Variants in RAB27B observed in about 807,000 individuals in gnomAD.
RAB27B encodes the protein ras-related protein Rab-27B.
RAB27B carries 15 observed loss-of-function variants against 24.6 expected under a neutral mutation model. The observed-to-expected ratio is 0.61, with a 90% CI of 0.41 to 0.94. The LOEUF (loss-of-function observed/expected upper bound fraction) is 0.94, where lower values mean the gene tolerates loss of function less well. RAB27B is among the 40% of genes least tolerant of loss of function. The pLI is 0.00. For synonymous variants in RAB27B, 105 were observed against 92.5 expected, an observed-to-expected ratio of 1.14 and a Z score of -0.78; for missense variants, 261 against 266.8, an observed-to-expected ratio of 0.98 and a Z score of 0.15.
At position 54,877,837 on chromosome 18, in the gene RAB27B, A is replaced by G; in HGVS notation, c.153+99A>G. 2.4e-6 allele frequency: 3 copies of G among 1,238,902 alleles called. No homozygotes were observed. In the South Asian group the frequency reaches 4.9e-5, roughly 20 times the overall value. 76.7% of individuals were successfully genotyped at this position (1,238,902 alleles called of 1,614,324 possible). ...ATTGCATTGGAGTCTGTCTTTTGTC[A>G]CACGAAATTCATAACCTGTCATTTT... On this transcript the variant is annotated intron_variant, in intron 2 of 5. Coordinates refer to ENST00000262094, the MANE Select transcript of RAB27B (RefSeq NM_004163.4).
chr18:54,756,242 C>T (rs115263600), intron 2 of RAB27B, among the ~76,000 whole-genome samples: 552 of 152,248 alleles, frequency 3.6e-3, no homozygotes, highest in African/African-American at 0.013. Flanking sequence ...TGTTCTGTAC[C>T]AGTGATATTT....
intron 2 of RAB27B, among the ~76,000 whole-genome samples, chr18:54,733,433 T>C (rs1307053349): frequency 2.6e-5 from 4 of 152,288 alleles, no homozygotes; most frequent in East Asian, 3.9e-4. Context: ...ACAGTTCTTA[T>C]TGAGTTTGCT....
At chr18:54,755,233 T>C (rs767648339) in intron 2 of RAB27B, among the ~76,000 whole-genome samples, 2 of 151,902 alleles carry the variant, frequency 1.3e-5, no homozygotes, top group Non-Finnish European at 2.9e-5. Flanking sequence ...CTACTAAAAA[T>C]ACAAAAATTA....
chr18:54,787,361 A>G (rs1909119824), intron 2 of RAB27B, among the ~76,000 whole-genome samples: 1 of 152,204 alleles, frequency 6.6e-6, no homozygotes, highest in Non-Finnish European at 1.5e-5. Flanking sequence ...AAAGTGAGCA[A>G]AGAATCATTC....
At chr18:54,831,051 C>T (rs889662037) in intron 1 of RAB27B, among the ~76,000 whole-genome samples, 2 of 152,034 alleles carry the variant, frequency 1.3e-5, no homozygotes, top group Non-Finnish European at 2.9e-5. Flanking sequence ...TATCTTTTAC[C>T]AGGGAGACAA....
At chr18:54,727,751 G>A (rs1039131744) in intron 2 of RAB27B, among the ~76,000 whole-genome samples, 1 of 152,038 alleles carries the variant, frequency 6.6e-6, no homozygotes, top group South Asian at 2.1e-4. Flanking sequence ...ACAGCATTTA[G>A]CAACAGCATA....
upstream of RAB27B, among the ~76,000 whole-genome samples, chr18:54,823,694 T>C (rs1177176538): frequency 3.3e-5 from 5 of 152,168 alleles, no homozygotes; most frequent in Non-Finnish European, 7.3e-5. Flanking sequence ...CTCAAATCTA[T>C]CTTCATTCTG....
At chr18:54,776,189 C>A (rs1410855667) in intron 2 of RAB27B, among the ~76,000 whole-genome samples, 1 of 152,240 alleles carries the variant, frequency 6.6e-6, no homozygotes, top group Non-Finnish European at 1.5e-5. Context: ...TGCCCATAAT[C>A]CTGGAAATGG....
rs564735164 is a variant in RAB27B, at chr18:54,806,760, T to C, written c.-19-70807T>C. Among the ~76,000 whole-genome samples the C allele has an allele frequency of 3.5e-4, 53 of 151,926 alleles. No individual in the cohort carries two copies. The South Asian group carries it at 0.01, about 30-fold the overall frequency. ...ACACCATATTTAAAATGTTAACAAC[T>C]AGCAAGAAAAACATTCAAAAAAAAT... On this transcript the variant is annotated intron_variant, in intron 2 of 4. Transcript: ENST00000586570.
At chr18:54,838,191 A>C (rs1598946030) in intron 1 of RAB27B, among the ~76,000 whole-genome samples, 1 of 152,286 alleles carries the variant, frequency 6.6e-6, no homozygotes, top group East Asian at 1.9e-4. Context: ...AGCATAACAA[A>C]ATGTATCTTG....
intron 2 of RAB27B, among the ~76,000 whole-genome samples, chr18:54,789,870 T>A (rs1909195971): frequency 6.6e-6 from 1 of 152,172 alleles, no homozygotes; most frequent in South Asian, 2.1e-4. Flanking sequence ...CAGTGCATTC[T>A]ACATTTACTA....
intron 2 of RAB27B, among the ~76,000 whole-genome samples, chr18:54,819,221 A>G (rs889602270): frequency 1.4e-5 from 2 of 148,030 alleles, no homozygotes; most frequent in African/African-American, 2.4e-5. Context: ...AATTCTAAAT[A>G]TAATAGAATT....
At position 54,893,129 on chromosome 18, in the gene RAB27B, C is replaced by A. The variant is rs1913435779; in HGVS notation, c.*3716C>A. The A allele has an allele frequency of 6.6e-6, 1 of 152,074 alleles. No individual in the cohort carries two copies. Among genetic ancestry groups the A allele is most frequent in the Admixed American group, 6.6e-5 (1 of 15,266 alleles). 9.4% of individuals were successfully genotyped at this position (152,074 alleles called of 1,614,324 possible). ...GTGGTGAGTTAATCATAGTGTATAA[C>A]CTTGTGTTCATGAAACAGGTTGTTC... is the stretch of plus-strand genomic sequence containing the variant. On this transcript the variant is annotated 3_prime_UTR_variant, in exon 6 of 6. Coordinates refer to ENST00000262094, the MANE Select transcript of RAB27B (RefSeq NM_004163.4).
At chr18:54,804,995 T>C (rs1202902613) in intron 2 of RAB27B, among the ~76,000 whole-genome samples, 2 of 112,178 alleles carry the variant, frequency 1.8e-5, no homozygotes, top group Non-Finnish European at 4.0e-5. Context: ...TTTTTTTTTT[T>C]AGTTTTCTGT....
upstream of RAB27B, chr18:54,828,461 T>G (rs1421770780): frequency 2.0e-5 from 3 of 152,218 alleles, no homozygotes; most frequent in Non-Finnish European, 2.9e-5. Flanking sequence ...CCGAGGGTGG[T>G]GCCACCAGCC....
At chr18:54,854,263 G>A (rs961962007) in intron 1 of RAB27B, among the ~76,000 whole-genome samples, 1 of 152,160 alleles carries the variant, frequency 6.6e-6, no homozygotes, top group Non-Finnish European at 1.5e-5. Flanking sequence ...ACAGGGGCTT[G>A]ACTTCAGATC....
chr18:54,872,625 TAA>T (rs67765103), intron 1 of RAB27B, among the ~76,000 whole-genome samples: 86 of 137,524 alleles, frequency 6.3e-4, no homozygotes, highest in Non-Finnish European at 7.4e-4. Flanking sequence ...AACTCTGCCT[TAA>T]AAAAAAAAAA....
intron 2 of RAB27B, among the ~76,000 whole-genome samples, chr18:54,725,250 A>G (rs1403032386): frequency 6.6e-6 from 1 of 151,630 alleles, no homozygotes; most frequent in Non-Finnish European, 1.5e-5. Flanking sequence ...ATATATGTAA[A>G]GCACTGAAAA....
At chr18:54,758,794 A>T (rs1174140918) in intron 2 of RAB27B, among the ~76,000 whole-genome samples, 10 of 152,142 alleles carry the variant, frequency 6.6e-5, no homozygotes, top group Admixed American at 6.5e-4. Flanking sequence ...AGTATGCTGA[A>T]GTGGGAGCAA....
Sources: gnomAD v4.1 joint callset for allele counts (sites outside exome capture counted in the v4.1 genomes callset) on GRCh38, gnomAD v4.1.1 for gene constraint, MANE v1.5 for transcripts, NCBI Gene and HGNC (gene_info 2026-07-23, HGNC 2026-07-21) for gene names.